Variants in PPP4R3A observed in about 807,000 individuals in gnomAD.
PPP4R3A encodes serine/threonine-protein phosphatase 4 regulatory subunit 3A.
A neutral mutation model predicts 91.7 loss-of-function variants in PPP4R3A; 15 were observed. That is an observed-to-expected ratio of 0.16 (90% CI 0.11 to 0.25). The LOEUF (loss-of-function observed/expected upper bound fraction) is 0.25, where lower values mean the gene tolerates loss of function less well. Among genes scored for constraint, PPP4R3A ranks in the 10% least tolerant of loss-of-function variants. PPP4R3A has a pLI of 1.00. For missense variants in PPP4R3A, 623 were observed against 998.4 expected (o/e 0.62, Z 5.07); for synonymous variants, 377 against 348.7 (o/e 1.08, Z -0.91).
At chr14:91,483,155 A>G (rs2180885) in intron 3 of PPP4R3A, among the ~76,000 whole-genome samples, 74,745 of 152,024 alleles carry the variant, frequency 0.49, 18,702 homozygotes, top group Admixed American at 0.53. Flanking sequence ...CTTTGAAATG[A>G]AACAAATTTT....
At chr14:91,507,371 A>AT (rs774468567) in intron 1 of PPP4R3A, among the ~76,000 whole-genome samples, 15,434 of 68,574 alleles carry the variant, frequency 0.23, 3,243 homozygotes, top group Non-Finnish European at 0.26. Context: ...TATATACTAT[A>AT]ATTATATATA....
intron 4 of PPP4R3A, among the ~76,000 whole-genome samples, chr14:91,478,854 C>T (rs1889366146): frequency 6.6e-6 from 1 of 152,202 alleles, no homozygotes; most frequent in African/African-American, 2.4e-5. Context: ...GCAGCTCTTA[C>T]TACATTTATT....
At chr14:91,496,652 C>T (rs1890589700) in intron 1 of PPP4R3A, among the ~76,000 whole-genome samples, 1 of 152,128 alleles carries the variant, frequency 6.6e-6, no homozygotes. Flanking sequence ...CTGGTCTATT[C>T]AGGATATTAG....
At chr14:91,464,138 T>C (rs1028596233) in intron 11 of PPP4R3A, among the ~76,000 whole-genome samples, 3 of 152,146 alleles carry the variant, frequency 2.0e-5, no homozygotes, top group Non-Finnish European at 4.4e-5. Context: ...GCCTGGCCAA[T>C]AGTGAGACCC....
intron 1 of PPP4R3A, among the ~76,000 whole-genome samples, chr14:91,509,153 G>A (rs957615725): frequency 2.0e-5 from 3 of 152,170 alleles, no homozygotes; most frequent in Admixed American, 6.5e-5. Context: ...GCAGCAGATC[G>A]GATTAATCAG....
chr14:91,467,103 G>A (rs142472747), intron 10 of PPP4R3A, among the ~76,000 whole-genome samples: 2,449 of 152,262 alleles, frequency 0.016, 48 homozygotes, highest in Non-Finnish European at 0.023. Context: ...GATAGAAGGA[G>A]GTTCTAGTGG....
Position 91,490,766 on chromosome 14 carries a change from G to A in PPP4R3A, c.179C>T (p.Thr60Ile), listed in dbSNP as rs761101764. Reference sequence around the variant, plus strand: ...TTTTACCTGTTGTTTCTGGTATGCAGTGTTAGGATTTATTTTCGACTCTAA... The same window carrying A: ...TTTTACCTGTTGTTTCTGGTATGCAATGTTAGGATTTATTTTCGACTCTAA... ...LLLESKINPNTAYQKQQDTLI... is the reference protein window; with the variant it reads ...LLLESKINPNIAYQKQQDTLI... Residue 60 changes from threonine to isoleucine, a missense_variant, in exon 2 of 15, where the codon ACT becomes ATT. Coordinates refer to ENST00000554943, the MANE Select transcript of PPP4R3A (RefSeq NM_001366432.2). 7.5e-6 allele frequency: 12 copies of A among 1,609,498 alleles called. No individual in the cohort carries two copies. Among genetic ancestry groups the A allele is most frequent in the Non-Finnish European group, 1.0e-5 (12 of 1,178,546 alleles).
intron 3 of PPP4R3A, among the ~76,000 whole-genome samples, chr14:91,483,330 G>A (rs886251914): frequency 2.0e-5 from 3 of 152,182 alleles, no homozygotes; most frequent in Admixed American, 1.3e-4. Flanking sequence ...AAAAGATGAC[G>A]ACCTGGAATA....
Position 91,458,635 on chromosome 14 carries a change from G to A in PPP4R3A, c.*124C>T. The stretch of plus-strand genomic sequence containing the variant: ...GGCACTTGATGAGCAGAAGTCAAGT[G>A]TAAGAGGCTGATCTGTGTCAGTCAT... On this transcript the variant is annotated 3_prime_UTR_variant, in exon 15 of 15. Coordinates refer to ENST00000554943, the MANE Select transcript of PPP4R3A (RefSeq NM_001366432.2). The A allele has an allele frequency of 7.2e-7, 1 of 1,392,228 alleles. No individual in the cohort carries two copies. Among genetic ancestry groups the A allele is most frequent in the Non-Finnish European group, 1.0e-6 (1 of 980,110 alleles). 86.2% of individuals were successfully genotyped at this position (1,392,228 alleles called of 1,614,324 possible).
chr14:91,479,293 CGTGTGTGTGTGTGTGTGT>C (rs3029507), intron 4 of PPP4R3A, among the ~76,000 whole-genome samples: 2 of 144,204 alleles, frequency 1.4e-5, no homozygotes, highest in African/African-American at 2.6e-5. Flanking sequence ...TAAAAAACAA[CGTGTGTGTGTGTGTGTGT>C]GTGTGTGTGT....
rs571328300 is a variant in PPP4R3A, at chr14:91,476,051, T to C, written c.1111-85A>G. ...GTAAATATCCAAACCTAACAAAACA[T>C]ATGAAAAAACTTCAATGTAAAAGAA... On this transcript the variant is annotated intron_variant, in intron 6 of 14. Coordinates refer to ENST00000554943, the MANE Select transcript of PPP4R3A (RefSeq NM_001366432.2). 9 of 1,357,732 alleles carry C rather than the reference T, an allele frequency of 6.6e-6. No homozygotes were observed. In the South Asian group the frequency reaches 1.4e-4, roughly 21 times the overall value. The allele number at this position is 1,357,732 out of a possible 1,614,324, so 84.1% of individuals were successfully genotyped here.
intron 10 of PPP4R3A, among the ~76,000 whole-genome samples, chr14:91,467,661 T>C (rs546337596): frequency 2.4e-4 from 36 of 152,310 alleles, no homozygotes; most frequent in South Asian, 1.7e-3. Flanking sequence ...AGGAACTTAA[T>C]AAGGCCAAGG....
chr14:91,507,624 TTA>T (rs1210165741), intron 1 of PPP4R3A, among the ~76,000 whole-genome samples: 3 of 40,678 alleles, frequency 7.4e-5, no homozygotes, highest in Admixed American at 2.9e-4. Flanking sequence ...ATATATACTA[TTA>T]TATATACTAT....
intron 1 of PPP4R3A, among the ~76,000 whole-genome samples, chr14:91,505,549 A>G (rs935323613): frequency 4.6e-5 from 7 of 152,208 alleles, no homozygotes; most frequent in African/African-American, 1.7e-4. Context: ...CCTATTTCTA[A>G]GGTGGATGAT....
intron 8 of PPP4R3A, 35 bp from the exon 9 acceptor site, chr14:91,473,170 C>T (rs1409162489): frequency 9.3e-6 from 15 of 1,613,062 alleles, no homozygotes; most frequent in South Asian, 5.5e-5. Context: ...GAACTTTAAC[C>T]ACACTGGTTC....
chr14:91,495,509 G>A (rs1340483003), intron 1 of PPP4R3A, among the ~76,000 whole-genome samples: 2 of 152,028 alleles, frequency 1.3e-5, no homozygotes, highest in African/African-American at 4.8e-5. Context: ...TAGATTAGTG[G>A]TTGTTTAGGG....
At chr14:91,460,817 C>CA (rs1888100279) in intron 14 of PPP4R3A, among the ~76,000 whole-genome samples, 1 of 151,966 alleles carries the variant, frequency 6.6e-6, no homozygotes, top group Non-Finnish European at 1.5e-5. Context: ...AACGGGGTTT[C>CA]ACCACGTTAG....
In PPP4R3A at chr14:91,490,388, G is replaced by A. The variant is rs1297192596; in HGVS notation, c.198+359C>T. 2.0e-5 allele frequency among the ~76,000 whole-genome samples: 3 copies of A among 152,114 alleles called. No homozygotes were observed. In the East Asian group the frequency reaches 5.8e-4, roughly 29 times the overall value. On this transcript the variant is annotated intron_variant, in intron 2 of 14. Transcript: ENST00000554943. ...TATCTACACAGTACTGCTGTAGAGG[G>A]AGATACTAATGTTCCTTCTGCACTA...
chr14:91,476,999 G>T lies in PPP4R3A; in HGVS notation c.916-13C>A. Reference sequence around the variant, plus strand: ...ATTTTTCATCTTCCTGTGAAACAAAGGACAAATGCAATTATGTTAATGCTA... The same window carrying T: ...ATTTTTCATCTTCCTGTGAAACAAATGACAAATGCAATTATGTTAATGCTA... On this transcript the variant is annotated splice_polypyrimidine_tract_variant and intron_variant, in intron 4 of 14. Transcript: ENST00000554943. 6.3e-7 allele frequency: 1 copy of T among 1,579,990 alleles called. No homozygotes were observed. The highest frequency in any genetic ancestry group is 8.6e-7 in the Non-Finnish European group (1 of 1,158,408).
Sources: allele counts gnomAD v4.1 joint callset (sites outside exome capture counted in the v4.1 genomes callset), GRCh38; gene constraint gnomAD v4.1.1; transcripts MANE v1.5; gene names NCBI Gene and HGNC (gene_info 2026-07-23, HGNC 2026-07-21).